Variants in AK5 observed in about 807,000 individuals in gnomAD.
The protein encoded by AK5 is adenylate kinase 5.
A neutral mutation model predicts 69.5 loss-of-function variants in AK5; 27 were observed. The observed-to-expected ratio is 0.39, with a 90% CI of 0.29 to 0.54. The LOEUF is 0.54. Among genes scored for constraint, AK5 ranks in the 20% least tolerant of loss-of-function variants. The pLI is 0.71. For synonymous variants in AK5, 260 were observed against 244.4 expected, an observed-to-expected ratio of 1.06 and a Z score of -0.60; for missense variants, 531 against 700.4, an observed-to-expected ratio of 0.76 and a Z score of 2.73.
At chr1:77,503,961 C>T (rs1036257855) in intron 10 of AK5, among the ~76,000 whole-genome samples, 1 of 147,734 alleles carries the variant, frequency 6.8e-6, no homozygotes, top group Admixed American at 6.7e-5. Context: ...CTAGTCCTGC[C>T]ATACAGAGAA....
intron 6 of AK5, among the ~76,000 whole-genome samples, chr1:77,343,998 C>T (rs938521073): frequency 2.0e-5 from 3 of 152,190 alleles, no homozygotes; most frequent in Admixed American, 1.3e-4. Flanking sequence ...GTAAGTTTGA[C>T]TCAGTGTCTT....
At chr1:77,374,403 C>G (rs1274558435) in intron 6 of AK5, among the ~76,000 whole-genome samples, 1 of 147,206 alleles carries the variant, frequency 6.8e-6, no homozygotes, top group East Asian at 2.0e-4. Context: ...TCCTTTTATG[C>G]CAATTGAGGT....
At chr1:77,427,544 A>ATTTATGGTAT (rs1651296090) in intron 8 of AK5, among the ~76,000 whole-genome samples, 1 of 152,198 alleles carries the variant, frequency 6.6e-6, no homozygotes, top group Non-Finnish European at 1.5e-5. Flanking sequence ...ATTTTACCAA[A>ATTTATGGTAT]CATTTAAGGA....
intron 8 of AK5, among the ~76,000 whole-genome samples, chr1:77,473,618 C>G (rs553978115): frequency 2.2e-3 from 329 of 152,264 alleles, no homozygotes; most frequent in Non-Finnish European, 3.8e-3. Context: ...ATTGTATCTT[C>G]TCTATCACTA....
chr1:77,398,447 C>T (rs1055433275), intron 6 of AK5, among the ~76,000 whole-genome samples: 10 of 152,112 alleles, frequency 6.6e-5, no homozygotes, highest in Non-Finnish European at 1.5e-4. Flanking sequence ...GCTTTCTTGG[C>T]AAAGCTTTAA....
chr1:77,506,246 TG>T (rs1264339226), intron 10 of AK5, among the ~76,000 whole-genome samples: 4 of 151,850 alleles, frequency 2.6e-5, no homozygotes, highest in Non-Finnish European at 5.9e-5. Flanking sequence ...GTTGGTTGGT[TG>T]GTTGGTTGTT....
intron 8 of AK5, among the ~76,000 whole-genome samples, chr1:77,419,393 C>G (rs1242122630): frequency 6.6e-6 from 1 of 151,636 alleles, no homozygotes; most frequent in Non-Finnish European, 1.5e-5. Flanking sequence ...ACTCCACACC[C>G]CCCAAGAACT....
chr1:77,425,431 C>A (rs990349063), intron 8 of AK5, among the ~76,000 whole-genome samples: 12 of 151,766 alleles, frequency 7.9e-5, no homozygotes, highest in South Asian at 4.2e-4. Flanking sequence ...ACTAAAAATC[C>A]AAAAAATTGG....
At chr1:77,292,908 A>ATAAG (rs1658770841) in intron 2 of AK5, among the ~76,000 whole-genome samples, 4 of 152,330 alleles carry the variant, frequency 2.6e-5, no homozygotes, top group Admixed American at 2.6e-4. Context: ...TCATACAGCT[A>ATAAG]TAAGATATAA....
chr1:77,286,855 TAATTAATTA>T (rs1279810893), intron 1 of AK5, 77 bp from the exon 2 acceptor site: 1 of 890,286 alleles, frequency 1.1e-6, no homozygotes, highest in African/African-American at 1.8e-5. Flanking sequence ...TCAAAAAAAT[TAATTAATTA>T]AATTAAATTA....
At chr1:77,531,906 G>A (rs913517060) in intron 12 of AK5, among the ~76,000 whole-genome samples, 1 of 151,940 alleles carries the variant, frequency 6.6e-6, no homozygotes, top group African/African-American at 2.4e-5. Flanking sequence ...GCCCTGCCCC[G>A]CGGGGAGGCA....
intron 10 of AK5, among the ~76,000 whole-genome samples, chr1:77,517,067 TCAA>T (rs1657691915): frequency 2.5e-5 from 1 of 40,788 alleles, no homozygotes; most frequent in Non-Finnish European, 4.5e-5. Flanking sequence ...CAAGACCATC[TCAA>T]AAAAAAAAAA....
At chr1:77,449,118 G>A (rs1411520665) in intron 8 of AK5, among the ~76,000 whole-genome samples, 1 of 152,154 alleles carries the variant, frequency 6.6e-6, no homozygotes, top group Non-Finnish European at 1.5e-5. Flanking sequence ...TATGAGAAGA[G>A]GTCCACTGTC....
At chr1:77,355,123 A>G (rs1290857442) in intron 6 of AK5, among the ~76,000 whole-genome samples, 1 of 152,220 alleles carries the variant, frequency 6.6e-6, no homozygotes, top group Non-Finnish European at 1.5e-5. Context: ...ATGGTCTCAT[A>G]CAACTGAATG....
chr1:77,547,384 C>T (rs1057141074), intron 13 of AK5, among the ~76,000 whole-genome samples: 1 of 149,382 alleles, frequency 6.7e-6, no homozygotes, highest in African/African-American at 2.4e-5. Context: ...AGTGATTCTC[C>T]TGCCTCAGCC....
At chr1:77,341,753 G>A (rs747233789) in intron 6 of AK5, among the ~76,000 whole-genome samples, 2 of 152,162 alleles carry the variant, frequency 1.3e-5, no homozygotes, top group African/African-American at 2.4e-5. Context: ...TCGCAGAGTT[G>A]TAAGTCTGAT....
intron 8 of AK5, among the ~76,000 whole-genome samples, chr1:77,448,736 G>A (rs934073244): frequency 6.6e-6 from 1 of 152,204 alleles, no homozygotes; most frequent in Non-Finnish European, 1.5e-5. Flanking sequence ...AGGGAAGAAA[G>A]AGAGAAGAGC....
chr1:77,435,534 G>A (rs1029921452), intron 8 of AK5, among the ~76,000 whole-genome samples: 3 of 151,868 alleles, frequency 2.0e-5, no homozygotes, highest in African/African-American at 7.3e-5. Flanking sequence ...TGCAGTCCCA[G>A]CTACTCAGGA....
At chr1:77,301,278 G>C (rs1659329078) in intron 5 of AK5, among the ~76,000 whole-genome samples, 1 of 152,146 alleles carries the variant, frequency 6.6e-6, no homozygotes, top group Non-Finnish European at 1.5e-5. Flanking sequence ...AAAAAGTGTT[G>C]TCATCACATA....
Sources: gnomAD v4.1 joint callset for allele counts (sites outside exome capture counted in the v4.1 genomes callset) on GRCh38, gnomAD v4.1.1 for gene constraint, MANE v1.5 for transcripts, NCBI Gene and HGNC (gene_info 2026-07-23, HGNC 2026-07-21) for gene names.